ATXN1: variants seen among roughly 807,000 people sequenced by gnomAD.
ATXN1 encodes ataxin-1.
ATXN1 carries 8 observed loss-of-function variants against 56.4 expected under a neutral mutation model. The observed-to-expected ratio is 0.14, with a 90% confidence interval of 0.08 to 0.26. The LOEUF is 0.26. Ranked by LOEUF, ATXN1 falls within the 10% of genes least tolerant of loss-of-function variation. The pLI, the probability that ATXN1 is intolerant of heterozygous loss-of-function variation, is 1.00. For synonymous variants in ATXN1, 514 were observed against 494.6 expected (o/e 1.04, Z -0.52); for missense variants, 987 against 1,106.5 (o/e 0.89, Z 1.53).
At chr6:16,596,134 C>T (rs758192276) in intron 3 of ATXN1, among the ~76,000 whole-genome samples, 2 of 152,116 alleles carry the variant, frequency 1.3e-5, no homozygotes, top group Non-Finnish European at 2.9e-5. Context: ...GGAGCTGGGA[C>T]TACAGATGCA....
chr6:16,346,173 A>G (rs1456557704), intron 6 of ATXN1, among the ~76,000 whole-genome samples: 1 of 152,228 alleles, frequency 6.6e-6, no homozygotes, highest in East Asian at 1.9e-4. Context: ...CTCATGCCTC[A>G]GCCTCCTGAG....
chr6:16,540,539 GA>G (rs537780353), intron 4 of ATXN1, among the ~76,000 whole-genome samples: 267 of 152,170 alleles, frequency 1.8e-3, no homozygotes, highest in Non-Finnish European at 3.2e-3. Context: ...ACAGCCCAGT[GA>G]GATGAGTTCT....
At chr6:16,545,347 T>C (rs1256873248) in intron 4 of ATXN1, among the ~76,000 whole-genome samples, 2 of 152,164 alleles carry the variant, frequency 1.3e-5, no homozygotes, top group African/African-American at 4.8e-5. Flanking sequence ...GGGGAGACAG[T>C]TGTATGGGCT....
At chr6:16,463,910 C>A (rs1332857089) in intron 6 of ATXN1, among the ~76,000 whole-genome samples, 4 of 152,176 alleles carry the variant, frequency 2.6e-5, no homozygotes, top group African/African-American at 9.7e-5. Flanking sequence ...ACAAATGGAA[C>A]CCCAAATGAG....
intron 4 of ATXN1, among the ~76,000 whole-genome samples, chr6:16,584,092 A>C (rs1043365765): frequency 4.0e-5 from 6 of 151,736 alleles, no homozygotes; most frequent in African/African-American, 1.5e-4. Context: ...TAACTTGCCC[A>C]ATGTCACACT....
intron 4 of ATXN1, among the ~76,000 whole-genome samples, chr6:16,556,143 C>T (rs1762008176): frequency 6.6e-6 from 1 of 152,090 alleles, no homozygotes; most frequent in Non-Finnish European, 1.5e-5. Flanking sequence ...TTCTTGCAAG[C>T]CTTTTCGGAG....
intron 3 of ATXN1, among the ~76,000 whole-genome samples, chr6:16,633,933 C>T (rs1006596266): frequency 3.9e-5 from 6 of 152,184 alleles, no homozygotes; most frequent in African/African-American, 9.7e-5. Context: ...TACAAGGTGT[C>T]GGCCTGCTAC....
intron 6 of ATXN1, among the ~76,000 whole-genome samples, chr6:16,369,470 T>TA (rs1200141260): frequency 6.6e-6 from 1 of 152,142 alleles, no homozygotes; most frequent in African/African-American, 2.4e-5. Context: ...GATAAAGAAA[T>TA]ACGCTACAGA....
chr6:16,555,999 T>C (rs1471326500), intron 4 of ATXN1, among the ~76,000 whole-genome samples: 1 of 152,264 alleles, frequency 6.6e-6, no homozygotes, highest in Non-Finnish European at 1.5e-5. Context: ...TTCTTTTTTC[T>C]TTAATGGCAC....
chr6:16,709,744 C>T (rs1350907070), intron 2 of ATXN1, among the ~76,000 whole-genome samples: 1 of 152,020 alleles, frequency 6.6e-6, no homozygotes, highest in Non-Finnish European at 1.5e-5. Context: ...ACACTAAACC[C>T]TAGTAAATAT....
intron 2 of ATXN1, among the ~76,000 whole-genome samples, chr6:16,727,795 G>T (rs923983384): frequency 6.6e-6 from 1 of 152,084 alleles, no homozygotes; most frequent in Non-Finnish European, 1.5e-5. Flanking sequence ...ACTATAAAAT[G>T]ATCAAAATTA....
intron 6 of ATXN1, among the ~76,000 whole-genome samples, chr6:16,428,160 C>T (rs1486811481): frequency 6.8e-6 from 1 of 147,004 alleles, no homozygotes; most frequent in South Asian, 2.3e-4. Context: ...CTCTTGTCAC[C>T]CAGGCTGGAG....
intron 4 of ATXN1, among the ~76,000 whole-genome samples, chr6:16,558,166 G>C (rs946246918): frequency 1.3e-5 from 2 of 152,048 alleles, no homozygotes; most frequent in African/African-American, 4.8e-5. Context: ...GCTGGGCACA[G>C]TGGCTCACAC....
At position 16,327,055 on chromosome 6, in the gene ATXN1, C is replaced by G; in HGVS notation, c.1256G>C (p.Gly419Ala). 1 of 1,614,096 alleles carries G rather than the reference C, an allele frequency of 6.2e-7. No homozygotes were observed. Among genetic ancestry groups the G allele is most frequent in the Non-Finnish European group, 8.5e-7 (1 of 1,180,018 alleles). ...TLNDKSGLHL[G>A]KPGHRSYALS... Reference sequence around the variant, plus strand: ...CGCGTAGGACCGGTGGCCAGGCTTCCCTAAATGCAGGCCACTTTTGTCGTT... The same window carrying G: ...CGCGTAGGACCGGTGGCCAGGCTTCGCTAAATGCAGGCCACTTTTGTCGTT... The change falls in exon 7 of 8, where the codon GGG becomes GCG. Residue 419 changes from glycine (G) to alanine (A), a missense_variant. Gly to Ala is a moderately conservative substitution (Grantham distance 60). This residue lies in a region of ATXN1 where 723 missense variants were observed against 791.7 expected (regional missense o/e 0.91). Transcript: ENST00000436367.
At chr6:16,393,258 T>C (rs1480688833) in intron 6 of ATXN1, among the ~76,000 whole-genome samples, 1 of 152,012 alleles carries the variant, frequency 6.6e-6, no homozygotes, top group African/African-American at 2.4e-5. Flanking sequence ...TTTTATTGTA[T>C]ATATTTATTT....
In ATXN1 at chr6:16,566,650, A is replaced by C. The variant is rs236943; in HGVS notation, c.-361+19130T>G. Among the ~76,000 whole-genome samples the C allele has an allele frequency of 2.0e-3, 311 of 151,982 alleles. 1 individual carries two copies. Among genetic ancestry groups the C allele is most frequent in the Middle Eastern group, 0.01 (3 of 294 alleles). The stretch of plus-strand genomic sequence containing the variant: ...GGGCGGATCACGAGGTCAGGAGATC[A>C]AGACCATCCTGGCGAACACTGTGAA... On this transcript the variant is annotated intron_variant, in intron 4 of 7. Transcript: ENST00000436367.
chr6:16,305,528 G>A lies in ATXN1; in HGVS notation c.*801C>T, dbSNP rs919917933. On this transcript the variant is annotated 3_prime_UTR_variant, in exon 8 of 8. Transcript: ENST00000436367. ...CCCCCAACCCCCCTTACCCCATGTG[G>A]GGCCATGACAGCAGGGGCTTCCCTG... The A allele has an allele frequency of 6.6e-6, 1 of 152,332 alleles. No homozygotes were observed. The highest frequency in any genetic ancestry group is 1.9e-4 in the East Asian group (1 of 5,172). 9.4% of individuals were successfully genotyped at this position (152,332 alleles called of 1,614,324 possible).
intron 4 of ATXN1, among the ~76,000 whole-genome samples, chr6:16,544,492 C>G (rs532804658): frequency 6.6e-6 from 1 of 152,318 alleles, no homozygotes; most frequent in South Asian, 2.1e-4. Flanking sequence ...TCATGTGAAA[C>G]TCCCCCTAAT....
chr6:16,710,319 T>A (rs1056182282), intron 2 of ATXN1, among the ~76,000 whole-genome samples: 1 of 152,180 alleles, frequency 6.6e-6, no homozygotes, highest in Non-Finnish European at 1.5e-5. Flanking sequence ...CAGAGAAAGA[T>A]ATACCGTGTT....
Sources: allele counts gnomAD v4.1 joint callset (sites outside exome capture counted in the v4.1 genomes callset), GRCh38; gene constraint gnomAD v4.1.1; regional missense constraint gnomAD v4.1.1; transcripts MANE v1.5; gene names NCBI Gene and HGNC (gene_info 2026-07-23, HGNC 2026-07-21).